The following KIRREL3 variants were observed in gnomAD, a reference collection of about 807,000 sequenced individuals.
KIRREL3 encodes kirre like nephrin family adhesion molecule 3.
In KIRREL3, 36 loss-of-function variants were observed where a neutral mutation model predicts 89.7. The observed-to-expected ratio is 0.40, with a 90% confidence interval of 0.31 to 0.53. KIRREL3 has a LOEUF of 0.53. Ranked by LOEUF, KIRREL3 falls within the 20% of genes least tolerant of loss-of-function variation. The probability of loss-of-function intolerance (pLI) is 0.49; values close to 1 mark genes in which losing one functional copy is unlikely to be tolerated. For missense variants in KIRREL3, 864 were observed against 1,056.6 expected, an observed-to-expected ratio of 0.82 and a Z score of 2.53; for synonymous variants, 445 against 441.4, an observed-to-expected ratio of 1.01 and a Z score of -0.10.
Position 126,788,530 on chromosome 11 carries a change from T to C in KIRREL3, c.55+211925A>G, listed in dbSNP as rs74353422. Among the ~76,000 whole-genome samples, 5,703 of 152,308 alleles carry C rather than the reference T, an allele frequency of 0.037. 342 individuals carry two copies. The highest frequency in any genetic ancestry group is 0.13 in the African/African-American group (5,251 of 41,558). Reference sequence around the variant, plus strand: ...GCAGCCACTTCTCAGGGTATCCACCTGGAGAGAAGCCTGCAGCATTAAGCT... The same window carrying C: ...GCAGCCACTTCTCAGGGTATCCACCCGGAGAGAAGCCTGCAGCATTAAGCT... On this transcript the variant is annotated intron_variant, in intron 1 of 16. Coordinates refer to ENST00000525144, the MANE Select transcript of KIRREL3 (RefSeq NM_032531.4). The surrounding 1 kb of genome is among the most constrained non-coding windows in gnomAD (Gnocchi z 4.1).
intron 1 of KIRREL3, among the ~76,000 whole-genome samples, chr11:126,722,534 G>GAACACAGACATGCTTACTCATT (rs1429841279): frequency 1.3e-5 from 2 of 152,214 alleles, no homozygotes; most frequent in African/African-American, 4.8e-5. Flanking sequence ...AGTTTTATTA[G>GAACACAGACATGCTTACTCATT]AACACAGACA....
At chr11:126,787,421 A>T (rs1159879211) in intron 1 of KIRREL3, among the ~76,000 whole-genome samples, 3 of 152,208 alleles carry the variant, frequency 2.0e-5, no homozygotes, top group Admixed American at 1.3e-4. Context: ...ACCCCACCCA[A>T]ATCAATATAA....
rs1949427361 is a variant in KIRREL3 at position 126,754,398 on chromosome 11, T to C, written c.56-191486A>G. 6.6e-6 allele frequency among the ~76,000 whole-genome samples: 1 copy of C among 152,222 alleles called. No homozygotes were observed. The highest frequency in any genetic ancestry group is 2.4e-5 in the African/African-American group (1 of 41,454). ...ACTTTACACTCTCTATATGTCTGTCTCTGGTCTTCAATTCAGACCGTGTAA... is the reference window on the plus strand; with the variant it reads ...ACTTTACACTCTCTATATGTCTGTCCCTGGTCTTCAATTCAGACCGTGTAA... On this transcript the variant is annotated intron_variant, in intron 1 of 16. Transcript: ENST00000525144. This position sits in a 1 kb window ranked among gnomAD's most constrained non-coding sequence, Gnocchi z 5.1.
At chr11:126,767,453 A>G (rs1373062667) in intron 1 of KIRREL3, among the ~76,000 whole-genome samples, 1 of 152,146 alleles carries the variant, frequency 6.6e-6, no homozygotes, top group Non-Finnish European at 1.5e-5. Context: ...AATGTAGACA[A>G]CTAATTCCAG....
In KIRREL3 at chr11:126,602,802, C is replaced by T. The variant is rs548387197; in HGVS notation, c.56-39890G>A. Among the ~76,000 whole-genome samples the T allele has an allele frequency of 5.9e-5, 9 of 152,246 alleles. No individual in the cohort carries two copies. In the South Asian group the frequency reaches 1.2e-3, roughly 21 times the overall value. On this transcript the variant is annotated intron_variant, in intron 1 of 16. Transcript: ENST00000525144. ...GCTTGCTGTTCTGTCGGGGGCAGTT[C>T]GCGGGGCTGGGAGGACAGGTAAGAA...
chr11:126,571,321 A>C lies in KIRREL3; in HGVS notation c.56-8409T>G, dbSNP rs1022042915. Among the ~76,000 whole-genome samples the C allele has an allele frequency of 1.3e-5, 2 of 152,160 alleles. No individual in the cohort carries two copies. The highest frequency in any genetic ancestry group is 2.9e-5 in the Non-Finnish European group (2 of 68,028). On this transcript the variant is annotated intron_variant, in intron 1 of 16. Coordinates refer to ENST00000525144, the MANE Select transcript of KIRREL3 (RefSeq NM_032531.4). This position sits in a 1 kb window ranked among gnomAD's most constrained non-coding sequence, Gnocchi z 7.7. Reference sequence around the variant, plus strand: ...CACAGCCATCAGCTTTCTCTGGGGCACTTGGCCATCAACATGGGACCCAAG... The same window carrying C: ...CACAGCCATCAGCTTTCTCTGGGGCCCTTGGCCATCAACATGGGACCCAAG...
chr11:126,717,008 A>G (rs1210980065), intron 1 of KIRREL3, among the ~76,000 whole-genome samples: 1 of 152,076 alleles, frequency 6.6e-6, no homozygotes, highest in Non-Finnish European at 1.5e-5. Context: ...CAATGGGAGG[A>G]TGAACACGTG....
rs536151248 is a variant in KIRREL3 at position 126,687,591 on chromosome 11, C to T, written c.56-124679G>A. 6.0e-4 allele frequency among the ~76,000 whole-genome samples: 91 copies of T among 152,308 alleles called. No homozygotes were observed. The highest frequency in any genetic ancestry group is 1.2e-3 in the South Asian group (6 of 4,824). ...TACTTCCTAAGACATTCTTCTGCTA[C>T]CATCTCTTGCATGCTCAGTTCATTG... On this transcript the variant is annotated intron_variant, in intron 1 of 16. Transcript: ENST00000525144. This position sits in a 1 kb window ranked among gnomAD's most constrained non-coding sequence, Gnocchi z 4.6.
rs543902342 is a variant in KIRREL3, at chr11:126,577,126, CA to C, written c.56-14215del. Reference sequence around the variant, plus strand: ...CAGAGCTCTCTTTCAATAAAGGGCTCAGCAAAATGTTTGTCTTAGCCGCGTT... The same window carrying C: ...CAGAGCTCTCTTTCAATAAAGGGCTCGCAAAATGTTTGTCTTAGCCGCGTT... On this transcript the variant is annotated intron_variant, in intron 1 of 16. Transcript: ENST00000525144. Among the ~76,000 whole-genome samples, 9 of 152,242 alleles carry C rather than the reference CA, an allele frequency of 5.9e-5. No individual in the cohort carries two copies. The South Asian group carries it at 1.7e-3, about 28-fold the overall frequency.
At chr11:126,434,096 C>T (rs958656635) in intron 13 of KIRREL3, among the ~76,000 whole-genome samples, 1 of 152,254 alleles carries the variant, frequency 6.6e-6, no homozygotes, top group Non-Finnish European at 1.5e-5. Context: ...CCCCAGCCTG[C>T]CTGTGTGTGT....
rs1442992042 is a variant in KIRREL3 at position 126,763,444 on chromosome 11, T to C, written c.56-200532A>G. Among the ~76,000 whole-genome samples the C allele has an allele frequency of 3.3e-5, 5 of 152,132 alleles. No homozygotes were observed. The highest frequency in any genetic ancestry group is 1.2e-4 in the African/African-American group (5 of 41,426). ...GAAGAGCAGGGAGAGGGCATGAGGATGCAGTGGGTGGGAGGTGTTAAAAAG... is the reference window on the plus strand; with the variant it reads ...GAAGAGCAGGGAGAGGGCATGAGGACGCAGTGGGTGGGAGGTGTTAAAAAG... On this transcript the variant is annotated intron_variant, in intron 1 of 16. Transcript: ENST00000525144. The surrounding 1 kb of genome is among the most constrained non-coding windows in gnomAD (Gnocchi z 4.7).
chr11:126,950,794 C>G (rs1948754440), intron 1 of KIRREL3, among the ~76,000 whole-genome samples: 1 of 152,154 alleles, frequency 6.6e-6, no homozygotes, highest in African/African-American at 2.4e-5. Flanking sequence ...GTCCCATTTG[C>G]ATAGAGCACC....
chr11:126,924,941 G>A lies in KIRREL3; in HGVS notation c.55+75514C>T, dbSNP rs1290779611. ...TGTGTACATGCTTATGTGTGTGTGT[G>A]TGTGTTGCAGTGGAGGAGGTTGGGA... On this transcript the variant is annotated intron_variant, in intron 1 of 16. Coordinates refer to ENST00000525144, the MANE Select transcript of KIRREL3 (RefSeq NM_032531.4). This position sits in a 1 kb window ranked among gnomAD's most constrained non-coding sequence, Gnocchi z 4.7. Among the ~76,000 whole-genome samples, 5 of 150,196 alleles carry A rather than the reference G, an allele frequency of 3.3e-5. No individual in the cohort carries two copies. Among genetic ancestry groups the A allele is most frequent in the Non-Finnish European group, 7.4e-5 (5 of 67,802 alleles).
At position 126,521,951 on chromosome 11, in the gene KIRREL3, C is replaced by T. The variant is rs534520934; in HGVS notation, c.284-487G>A. The stretch of plus-strand genomic sequence containing the variant: ...TAGAGATGGGATCTCACTATGTCAC[C>T]CTGACTGGTCTTGAACTCCTGGACT... On this transcript the variant is annotated intron_variant, in intron 3 of 16. Coordinates refer to ENST00000525144, the MANE Select transcript of KIRREL3 (RefSeq NM_032531.4). This position sits in a 1 kb window ranked among gnomAD's most constrained non-coding sequence, Gnocchi z 4.1. Among the ~76,000 whole-genome samples the T allele has an allele frequency of 1.3e-5, 2 of 152,016 alleles. No individual in the cohort carries two copies. Among genetic ancestry groups the T allele is most frequent in the African/African-American group, 4.8e-5 (2 of 41,370 alleles).
rs1439915350 is a variant in KIRREL3 at position 126,729,799 on chromosome 11, G to C, written c.56-166887C>G. ...CAGAAGCACAATGGAGGGAGCCCCT[G>C]ATCATAATCACTAAGAGCACACCAT... is the stretch of plus-strand genomic sequence containing the variant. On this transcript the variant is annotated intron_variant, in intron 1 of 16. Transcript: ENST00000525144. The surrounding 1 kb of genome is among the most constrained non-coding windows in gnomAD (Gnocchi z 4.5). Among the ~76,000 whole-genome samples the C allele has an allele frequency of 6.6e-6, 1 of 152,164 alleles. No homozygotes were observed. Among genetic ancestry groups the C allele is most frequent in the Non-Finnish European group, 1.5e-5 (1 of 68,022 alleles).
intron 4 of KIRREL3, among the ~76,000 whole-genome samples, chr11:126,514,877 T>C (rs1565514736): frequency 6.7e-6 from 1 of 148,232 alleles, no homozygotes; most frequent in African/African-American, 2.6e-5. Context: ...CAAAACACAA[T>C]TGTCATCCGT....
At chr11:126,910,550 C>T (rs543954034) in intron 1 of KIRREL3, among the ~76,000 whole-genome samples, 1 of 152,142 alleles carries the variant, frequency 6.6e-6, no homozygotes, top group Admixed American at 6.5e-5. Context: ...GTCCAGGCTC[C>T]GTGTTGAGGG....
intron 1 of KIRREL3, among the ~76,000 whole-genome samples, chr11:126,646,147 C>T (rs1944659097): frequency 6.6e-6 from 1 of 152,136 alleles, no homozygotes; most frequent in Non-Finnish European, 1.5e-5. Flanking sequence ...TTAGCATCTG[C>T]AGGTTCGCGA....
rs558745 is a variant in KIRREL3 at position 126,519,406 on chromosome 11, C to T, written c.433+1909G>A. On this transcript the variant is annotated intron_variant, in intron 4 of 16. Transcript: ENST00000525144. The surrounding 1 kb of genome is among the most constrained non-coding windows in gnomAD (Gnocchi z 4.3). ...ACCTCCTGTGAGTGCCTTTGCCTCT[C>T]TGAGTTTCCATTCTCTCATCTGTAA... 0.3 allele frequency among the ~76,000 whole-genome samples: 45,317 copies of T among 152,200 alleles called. 8,764 individuals are homozygous for T. The highest frequency in any genetic ancestry group is 0.85 in the East Asian group (4,380 of 5,176).
Sources: allele counts gnomAD v4.1 joint callset (sites outside exome capture counted in the v4.1 genomes callset), GRCh38; gene constraint gnomAD v4.1.1; non-coding constraint Gnocchi (gnomAD v3.1); transcripts MANE v1.5; gene names NCBI Gene and HGNC (gene_info 2026-07-23, HGNC 2026-07-21).